FBXO10: variants seen among roughly 807,000 people sequenced by gnomAD.
FBXO10 encodes the protein F-box protein 10, also known as F-box only protein 10.
A neutral mutation model predicts 80.7 loss-of-function variants in FBXO10; 39 were observed. The ratio of observed to expected loss-of-function variants is 0.48; its 90% confidence interval spans 0.37 to 0.63. The LOEUF (loss-of-function observed/expected upper bound fraction) is 0.63. Among genes scored for constraint, FBXO10 ranks in the 30% least tolerant of loss-of-function variants. FBXO10 has a pLI of 0.00. For synonymous variants in FBXO10, 449 were observed against 489.6 expected (o/e 0.92, Z 1.09); for missense variants, 1,025 against 1,269.0 (o/e 0.81, Z 2.92).
intron 10 of FBXO10, among the ~76,000 whole-genome samples, 199 bp from the exon 11 acceptor site, chr9:37,512,920 G>A (rs946042714): frequency 3.3e-5 from 5 of 152,216 alleles, no homozygotes; most frequent in African/African-American, 7.2e-5. Context: ...TGCATTCCAC[G>A]TCCAGCTCTG....
At chr9:37,523,983 C>T (rs185449508) in intron 6 of FBXO10, among the ~76,000 whole-genome samples, 10 of 152,312 alleles carry the variant, frequency 6.6e-5, no homozygotes, top group East Asian at 5.8e-4. Flanking sequence ...GCCATTTACC[C>T]ACAAGCCTGT....
intron 3 of FBXO10, 55 bp downstream of exon 3, chr9:37,537,055 C>A: frequency 7.2e-7 from 1 of 1,380,246 alleles, no homozygotes; most frequent in Non-Finnish European, 9.9e-7. Context: ...CCCATCAAAC[C>A]CTTCCTACAT....
chr9:37,519,566 G>C (rs185779832), intron 8 of FBXO10, among the ~76,000 whole-genome samples: 1 of 152,282 alleles, frequency 6.6e-6, no homozygotes, highest in East Asian at 1.9e-4. Flanking sequence ...GAGCCTGCAA[G>C]CTCAAATCTC....
intron 9 of FBXO10, 134 bp downstream of exon 9, chr9:37,517,991 G>T: frequency 1.0e-6 from 1 of 955,040 alleles, no homozygotes; most frequent in Non-Finnish European, 1.5e-6. Flanking sequence ...CCCAGGCTGA[G>T]TCCTGGCAGG....
At chr9:37,517,077 T>G (rs572270728) in intron 9 of FBXO10, among the ~76,000 whole-genome samples, 3 of 152,310 alleles carry the variant, frequency 2.0e-5, no homozygotes, top group Admixed American at 2.0e-4. Flanking sequence ...GAGGCCATTA[T>G]TCTAAGAGAA....
intron 1 of FBXO10, among the ~76,000 whole-genome samples, chr9:37,566,173 C>G (rs528084721): frequency 9.7e-4 from 148 of 152,292 alleles, no homozygotes; most frequent in Non-Finnish European, 1.7e-3. Flanking sequence ...TCTGCCTCTC[C>G]CTTGCAGACT....
At chr9:37,524,957 TG>T (rs2119074049) in intron 6 of FBXO10, 144 bp downstream of exon 6, 1 of 672,908 alleles carries the variant, frequency 1.5e-6, no homozygotes, top group South Asian at 1.9e-5. Context: ...ACCATGCAGC[TG>T]GCGTCCCTGA....
chr9:37,518,496 A>G, intron 8 of FBXO10, 58 bp from the exon 9 acceptor site: 14 of 1,424,920 alleles, frequency 9.8e-6, no homozygotes, highest in Non-Finnish European at 1.3e-5. Context: ...TGACACCACC[A>G]GTCAGGAAAA....
At chr9:37,535,332 G>A (rs1028707218) in intron 3 of FBXO10, among the ~76,000 whole-genome samples, 3 of 151,576 alleles carry the variant, frequency 2.0e-5, no homozygotes, top group Admixed American at 6.6e-5. Flanking sequence ...GAAAATCACA[G>A]TCGGTGACAC....
chr9:37,560,810 T>C (rs781024448), intron 1 of FBXO10, among the ~76,000 whole-genome samples: 82 of 152,244 alleles, frequency 5.4e-4, no homozygotes, highest in Admixed American at 1.6e-3. Flanking sequence ...GAGTATGGCC[T>C]GAAGTAGGCC....
In FBXO10 at chr9:37,518,444, G is replaced by A. The variant is rs1213692897; in HGVS notation, c.2201-6C>T. Reference sequence around the variant, plus strand: ...CTGGACATAGAGTCCTGAGGCTATGGGTGGAAGGGTTGGAAAGCACAGGGG... The same window carrying A: ...CTGGACATAGAGTCCTGAGGCTATGAGTGGAAGGGTTGGAAAGCACAGGGG... On this transcript the variant is annotated splice_region_variant and splice_polypyrimidine_tract_variant and intron_variant, in intron 8 of 10. Coordinates refer to ENST00000432825, the MANE Select transcript of FBXO10 (RefSeq NM_012166.3). The A allele has an allele frequency of 1.3e-6, 2 of 1,572,928 alleles. No homozygotes were observed.
intron 1 of FBXO10, among the ~76,000 whole-genome samples, chr9:37,575,957 G>C (rs1299542103): frequency 6.6e-6 from 1 of 152,334 alleles, no homozygotes; most frequent in South Asian, 2.1e-4. Context: ...GTAGTTTTAC[G>C]GGAGGGTAAA....
At chr9:37,534,796 G>A (rs1436847607) in intron 3 of FBXO10, among the ~76,000 whole-genome samples, 2 of 152,128 alleles carry the variant, frequency 1.3e-5, no homozygotes, top group Admixed American at 6.5e-5. Flanking sequence ...AAAACAAACC[G>A]TATGCACAGA....
At chr9:37,557,232 T>TA (rs1822359017) in intron 1 of FBXO10, among the ~76,000 whole-genome samples, 1 of 152,210 alleles carries the variant, frequency 6.6e-6, no homozygotes, top group African/African-American at 2.4e-5. Context: ...AAGACAGTAG[T>TA]ACCTCTGGCA....
rs771869288 is a variant in FBXO10 at position 37,521,807 on chromosome 9, C to T, written c.1962G>A (p.Ser654=). 5.6e-6 allele frequency: 9 copies of T among 1,601,124 alleles called. No homozygotes were observed. Among genetic ancestry groups the T allele is most frequent in the East Asian group, 2.2e-5 (1 of 44,786 alleles). The stretch of plus-strand genomic sequence containing the variant: ...TGCTGGTGACATGGGGGAGGCTGGA[C>T]GACATCATCCACACACCACAGCCCT... ...ANKGCGVWMM[S]SSLPHVTSNH... is the part of the protein sequence containing the mutation. Residue 654 remains serine (S), a synonymous_variant, in exon 8 of 11, where the codon TCG becomes TCA. Transcript: ENST00000432825.
In FBXO10 at chr9:37,512,721, C is replaced by T. The variant is rs1049713647; in HGVS notation, c.2697G>A (p.Lys899=). Residue 899 remains lysine (K), a splice_region_variant and synonymous_variant, in exon 11 of 11, where the codon AAG becomes AAA. Transcript: ENST00000432825. The part of the protein sequence containing the change: ...QNNKFLVFKK[K]SDTWRLVNPP... ...GGTTCACCAGGCGCCACGTATCAGA[C>T]CTGGAGGTGCAAAACGAAAGTCAGT... 33 of 1,612,216 alleles carry T rather than the reference C, an allele frequency of 2.0e-5. No individual in the cohort carries two copies. The highest frequency in any genetic ancestry group is 2.8e-5 in the Non-Finnish European group (33 of 1,178,824).
At chr9:37,516,700 T>C (rs1821185035) in intron 9 of FBXO10, among the ~76,000 whole-genome samples, 1 of 152,192 alleles carries the variant, frequency 6.6e-6, no homozygotes, top group Non-Finnish European at 1.5e-5. Context: ...GTGCAGTGGC[T>C]CACACCTGTA....
intron 1 of FBXO10, among the ~76,000 whole-genome samples, chr9:37,557,270 TCTCACGTAA>T (rs962985753): frequency 3.3e-5 from 5 of 151,812 alleles, no homozygotes; most frequent in African/African-American, 4.8e-5. Flanking sequence ...TATATTGAAC[TCTCACGTAA>T]CTCACTCTTT....
chr9:37,513,601 T>A (rs934849429), intron 10 of FBXO10, among the ~76,000 whole-genome samples: 2 of 151,850 alleles, frequency 1.3e-5, no homozygotes, highest in South Asian at 2.1e-4. Flanking sequence ...ATATATATAT[T>A]TTTTCCGAGA....
Sources: gnomAD v4.1 joint callset for allele counts (sites outside exome capture counted in the v4.1 genomes callset) on GRCh38, gnomAD v4.1.1 for gene constraint, MANE v1.5 for transcripts, NCBI Gene and HGNC (gene_info 2026-07-23, HGNC 2026-07-21) for gene names.